Variants in LIPC observed in about 807,000 individuals in gnomAD.
LIPC encodes the protein lipase C, hepatic type.
Under a neutral mutation model 50.7 loss-of-function variants are expected in LIPC, and 44 were observed. The observed-to-expected ratio is 0.87, with a 90% CI of 0.68 to 1.11. The LOEUF (loss-of-function observed/expected upper bound fraction) is 1.11. LIPC is among the 50% of genes most tolerant of loss of function. LIPC has a pLI of 0.00. For missense variants in LIPC, 697 were observed against 648.2 expected (o/e 1.08, Z -0.82); for synonymous variants, 271 against 256.4 (o/e 1.06, Z -0.54).
chr15:58,499,100 C>T (rs1384885200), intron 1 of LIPC, among the ~76,000 whole-genome samples: 1 of 152,174 alleles, frequency 6.6e-6, no homozygotes, highest in Non-Finnish European at 1.5e-5. Flanking sequence ...AATGGAGAGA[C>T]AGTGCCTGCC....
intron 1 of LIPC, among the ~76,000 whole-genome samples, chr15:58,502,541 G>A (rs376051544): frequency 1.4e-5 from 2 of 145,866 alleles, no homozygotes; most frequent in African/African-American, 2.5e-5. Flanking sequence ...TTATGAAAAC[G>A]TATCATTTAG....
chr15:58,533,156 T>C, intron 1 of LIPC: 2 of 985,276 alleles, frequency 2.0e-6, no homozygotes, highest in South Asian at 9.4e-5. Context: ...CTACCTCTTC[T>C]GAAGACATGA....
intron 1 of LIPC, among the ~76,000 whole-genome samples, chr15:58,476,328 C>A (rs146330499): frequency 6.6e-6 from 1 of 152,354 alleles, no homozygotes; most frequent in African/African-American, 2.4e-5. Context: ...ACACATGGGA[C>A]TAGCAGGCTT....
chr15:58,529,310 G>C (rs1243057608), intron 1 of LIPC, among the ~76,000 whole-genome samples: 1 of 152,196 alleles, frequency 6.6e-6, no homozygotes, highest in East Asian at 1.9e-4. Flanking sequence ...CCTAACCGTG[G>C]TCAGATGCCA....
rs1894485700 is a variant in LIPC, at chr15:58,569,592, T to A, written c.*765T>A. 2 of 152,234 alleles carry A rather than the reference T, an allele frequency of 1.3e-5. No homozygotes were observed. Among genetic ancestry groups the A allele is most frequent in the Admixed American group, 1.3e-4 (2 of 15,282 alleles). 9.4% of individuals were successfully genotyped at this position (152,234 alleles called of 1,614,324 possible). A position where few individuals can be genotyped will look rare whatever the true frequency, so the allele number is the denominator to read the frequency against. ...ATATGCTGAAATCTAATCCCCAATG[T>A]GATGGTGTTTGGAGGTGGGGCCTTT... On this transcript the variant is annotated 3_prime_UTR_variant, in exon 9 of 9. Transcript: ENST00000299022.
chr15:58,535,654 A>G (rs1353465229), intron 1 of LIPC, among the ~76,000 whole-genome samples: 1 of 152,150 alleles, frequency 6.6e-6, no homozygotes, highest in Non-Finnish European at 1.5e-5. Context: ...CAGAAATGTA[A>G]GATGCTAGAT....
In LIPC at chr15:58,443,468, G is replaced by A. The variant is rs368619437; in HGVS notation, c.88+11348G>A. Among the ~76,000 whole-genome samples the A allele has an allele frequency of 2.6e-5, 4 of 152,260 alleles. No individual in the cohort carries two copies. In the East Asian group the frequency reaches 7.7e-4, roughly 29 times the overall value. ...CACAAACCCAGGCAGCCCATAGAAG[G>A]CACAGCCCTGTGATGTCAAGCTTAA... On this transcript the variant is annotated intron_variant, in intron 1 of 8. Coordinates refer to ENST00000299022, the MANE Select transcript of LIPC (RefSeq NM_000236.3).
intron 1 of LIPC, among the ~76,000 whole-genome samples, chr15:58,528,701 C>A (rs544580783): frequency 1.3e-5 from 2 of 152,324 alleles, no homozygotes; most frequent in African/African-American, 4.8e-5. Context: ...TTCTGCTGTG[C>A]AGTAACAAGC....
chr15:58,434,328 TTGAG>T (rs1893220743), intron 1 of LIPC, among the ~76,000 whole-genome samples: 1 of 152,156 alleles, frequency 6.6e-6, no homozygotes, highest in Non-Finnish European at 1.5e-5. Flanking sequence ...CCTACTTCTT[TTGAG>T]TATTTATTAT....
chr15:58,451,328 G>C (rs1893892552), intron 1 of LIPC, among the ~76,000 whole-genome samples: 1 of 152,194 alleles, frequency 6.6e-6, no homozygotes, highest in Non-Finnish European at 1.5e-5. Flanking sequence ...AAATTAACTT[G>C]TGGGGAATTT....
At chr15:58,476,232 C>A (rs1295830494) in intron 1 of LIPC, among the ~76,000 whole-genome samples, 1 of 152,264 alleles carries the variant, frequency 6.6e-6, no homozygotes, top group Non-Finnish European at 1.5e-5. Flanking sequence ...TTCTCAGAGT[C>A]TCTGGTACAG....
intron 1 of LIPC, among the ~76,000 whole-genome samples, chr15:58,505,038 C>A (rs1170183514): frequency 1.3e-5 from 2 of 152,222 alleles, no homozygotes; most frequent in African/African-American, 4.8e-5. Context: ...CTGGAGGAAC[C>A]ACCAAGGCAA....
At chr15:58,510,619 C>T (rs1415636040) in intron 1 of LIPC, among the ~76,000 whole-genome samples, 1 of 152,218 alleles carries the variant, frequency 6.6e-6, no homozygotes, top group African/African-American at 2.4e-5. Context: ...GTAGGAGAAA[C>T]TGCCAAACCC....
intron 1 of LIPC, among the ~76,000 whole-genome samples, chr15:58,494,562 G>T (rs1891702042): frequency 6.6e-6 from 1 of 152,298 alleles, no homozygotes; most frequent in East Asian, 1.9e-4. Context: ...AGACAACATG[G>T]TTTTGATTGT....
chr15:58,560,412 C>T (rs1263188307), intron 6 of LIPC, among the ~76,000 whole-genome samples: 6 of 152,192 alleles, frequency 3.9e-5, no homozygotes, highest in Non-Finnish European at 8.8e-5. Context: ...AGCTCTGCCC[C>T]ACCCTGAAAC....
At chr15:58,446,764 C>A (rs545963801) in intron 1 of LIPC, among the ~76,000 whole-genome samples, 1 of 152,198 alleles carries the variant, frequency 6.6e-6, no homozygotes, top group Non-Finnish European at 1.5e-5. Context: ...AGGACCCACA[C>A]AGGCCTGGCA....
intron 1 of LIPC, among the ~76,000 whole-genome samples, chr15:58,505,301 G>A (rs1037223085): frequency 1.3e-5 from 2 of 152,218 alleles, no homozygotes; most frequent in Non-Finnish European, 2.9e-5. Flanking sequence ...CCAGCCATGC[G>A]GCCTCAGGCA....
chr15:58,483,551 C>T (rs1000179595), intron 1 of LIPC, among the ~76,000 whole-genome samples: 6 of 152,148 alleles, frequency 3.9e-5, no homozygotes, highest in Non-Finnish European at 7.4e-5. Flanking sequence ...TGTCCCTTCA[C>T]CATGTTTATC....
intron 1 of LIPC, chr15:58,498,718 C>G (rs1891864526): frequency 6.6e-6 from 1 of 152,304 alleles, no homozygotes; most frequent in East Asian, 1.9e-4. Context: ...GCAGCCCACA[C>G]CATCTGATAC....
Sources: gnomAD v4.1 joint callset for allele counts (sites outside exome capture counted in the v4.1 genomes callset) on GRCh38, gnomAD v4.1.1 for gene constraint, MANE v1.5 for transcripts, NCBI Gene and HGNC (gene_info 2026-07-23, HGNC 2026-07-21) for gene names.